The following FBXO22 variants were observed in gnomAD, a reference collection of about 807,000 sequenced individuals.
FBXO22 encodes the protein F-box protein 22.
In FBXO22, 13 loss-of-function variants were observed where a neutral mutation model predicts 37.2. The ratio of observed to expected loss-of-function variants is 0.35; its 90% CI spans 0.23 to 0.56. The LOEUF (loss-of-function observed/expected upper bound fraction) is 0.56, where lower values mean the gene tolerates loss of function less well. Among genes scored for constraint, FBXO22 ranks in the 20% least tolerant of loss-of-function variants. The pLI is 0.87. For synonymous variants in FBXO22, 189 were observed against 189.1 expected, an observed-to-expected ratio of 1.00 and a Z score of 0.00; for missense variants, 446 against 509.9, an observed-to-expected ratio of 0.87 and a Z score of 1.21.
intron 2 of FBXO22, among the ~76,000 whole-genome samples, chr15:75,909,955 C>T (rs982450134): frequency 6.6e-6 from 1 of 152,054 alleles, no homozygotes; most frequent in Non-Finnish European, 1.5e-5. Flanking sequence ...TGTGATGTTC[C>T]CTTCCCTGTG....
At chr15:75,924,617 C>T (rs543764410) in intron 5 of FBXO22, among the ~76,000 whole-genome samples, 2 of 152,146 alleles carry the variant, frequency 1.3e-5, no homozygotes, top group African/African-American at 4.8e-5. Flanking sequence ...AGTGCTCATG[C>T]ACTTCTTCCT....
chr15:75,927,327 C>T (rs754706651), intron 5 of FBXO22, among the ~76,000 whole-genome samples: 7 of 152,012 alleles, frequency 4.6e-5, no homozygotes, highest in Non-Finnish European at 7.4e-5. Flanking sequence ...GGAGTGGTTG[C>T]CTTTAGAATA....
intron 5 of FBXO22, among the ~76,000 whole-genome samples, chr15:75,928,421 C>A (rs138491368): frequency 2.6e-5 from 4 of 152,126 alleles, no homozygotes; most frequent in African/African-American, 9.7e-5. Context: ...AATGAGATCA[C>A]GTCCTTTGCA....
chr15:75,941,956 A>AC lies in FBXO22; in HGVS notation c.*8854_*8855insC, dbSNP rs1299644531. ...TTAAACCACCAAAAAAAAAAAAAAA[A>AC]AAAAATATGGCCTAGCTTTTTTTTT... On this transcript the variant is annotated 3_prime_UTR_variant, in exon 7 of 7. Transcript: ENST00000308275. 8 of 127,700 alleles carry AC rather than the reference A, an allele frequency of 6.3e-5. No homozygotes were observed. In the South Asian group the frequency reaches 8.2e-4, roughly 13 times the overall value. 7.9% of individuals were successfully genotyped at this position (127,700 alleles called of 1,614,324 possible). A position where few individuals can be genotyped will look rare whatever the true frequency, so the allele number is the denominator to read the frequency against.
chr15:75,930,657 G>A (rs139127277), intron 6 of FBXO22: 1 of 985,272 alleles, frequency 1.0e-6, no homozygotes, highest in African/African-American at 1.7e-5. Context: ...TTGCTCTTCT[G>A]TCTTGGGAGC....
chr15:75,917,596 A>G (rs891186821), intron 5 of FBXO22, among the ~76,000 whole-genome samples: 4 of 152,164 alleles, frequency 2.6e-5, no homozygotes, highest in Admixed American at 1.3e-4. Context: ...TTTACTTTTT[A>G]AATTATTTTA....
At chr15:75,915,555 C>T (rs1362124978) in intron 4 of FBXO22, among the ~76,000 whole-genome samples, 4 of 151,808 alleles carry the variant, frequency 2.6e-5, no homozygotes, top group African/African-American at 9.7e-5. Context: ...CACTTGAAGT[C>T]AGGAGTTGGA....
chr15:75,915,718 G>C (rs1304267743), intron 4 of FBXO22, among the ~76,000 whole-genome samples: 1 of 151,900 alleles, frequency 6.6e-6, no homozygotes, highest in Non-Finnish European at 1.5e-5. Context: ...TGGCCGACGT[G>C]GTGAAACCCC....
chr15:75,908,644 G>C (rs559815775), intron 2 of FBXO22, among the ~76,000 whole-genome samples: 1 of 152,306 alleles, frequency 6.6e-6, no homozygotes, highest in South Asian at 2.1e-4. Context: ...AGGTCAGGCA[G>C]GTAGCTGAAG....
chr15:75,923,961 G>A (rs1014746849), intron 5 of FBXO22, among the ~76,000 whole-genome samples: 2 of 152,124 alleles, frequency 1.3e-5, no homozygotes, highest in East Asian at 1.9e-4. Context: ...AGGTGACAGC[G>A]ATGTCATGCG....
In FBXO22 at chr15:75,904,473, G is replaced by C. The variant is rs1161899031; in HGVS notation, c.141-18G>C. On this transcript the variant is annotated intron_variant, in intron 1 of 6. Coordinates refer to ENST00000308275, the MANE Select transcript of FBXO22 (RefSeq NM_147188.3). Reference sequence around the variant, plus strand: ...AATGAACGTCCGTTCGCAATCCTTTGTGCGTTTGCGTCCTCAGCGTGTGCC... The same window carrying C: ...AATGAACGTCCGTTCGCAATCCTTTCTGCGTTTGCGTCCTCAGCGTGTGCC... 6.2e-7 allele frequency: 1 copy of C among 1,613,790 alleles called. No homozygotes were observed. The highest frequency in any genetic ancestry group is 1.7e-5 in the Admixed American group (1 of 59,992).
At chr15:75,905,738 G>C (rs906478244) in intron 2 of FBXO22, 1 of 152,108 alleles carries the variant, frequency 6.6e-6, no homozygotes, top group Admixed American at 6.5e-5. Flanking sequence ...TTGACACTTA[G>C]GAAAATCACA....
chr15:75,912,762 C>T (rs1044814433), intron 2 of FBXO22, among the ~76,000 whole-genome samples: 22 of 152,296 alleles, frequency 1.4e-4, no homozygotes, highest in African/African-American at 5.3e-4. Context: ...GTCTCTATCT[C>T]CTTCAGTTCT....
chr15:75,907,417 A>G (rs1899954190), intron 2 of FBXO22, among the ~76,000 whole-genome samples: 1 of 152,238 alleles, frequency 6.6e-6, no homozygotes, highest in Admixed American at 6.5e-5. Flanking sequence ...TCATTATTAA[A>G]GTTCACATAG....
At chr15:75,914,769 C>T (rs75881136) in intron 4 of FBXO22, among the ~76,000 whole-genome samples, 3,262 of 152,192 alleles carry the variant, frequency 0.021, 140 homozygotes, top group African/African-American at 0.075. Flanking sequence ...TACCTGGATT[C>T]GAATGCCGGC....
chr15:75,911,702 A>G (rs917921287), intron 2 of FBXO22, among the ~76,000 whole-genome samples: 1 of 151,998 alleles, frequency 6.6e-6, no homozygotes, highest in African/African-American at 2.4e-5. Flanking sequence ...CAATCATGTC[A>G]TCTGCAAACA....
chr15:75,905,665 C>T (rs930750146), intron 2 of FBXO22: 32 of 152,346 alleles, frequency 2.1e-4, no homozygotes, highest in African/African-American at 7.7e-4. Flanking sequence ...TGAGTAAGTC[C>T]TGTTTCTTTA....
In FBXO22 at chr15:75,904,569, G is replaced by T; in HGVS notation, c.219G>T (p.Leu73=). The stretch of plus-strand genomic sequence containing the variant: ...GCGTAACCTGGATCTCCGCAGGCCT[G>T]GCGGAGGCCGGCCACCTGGAGGGGC... ...HRSVTWISAG[L]AEAGHLEGHC... The change falls in exon 2 of 7, where the codon CTG becomes CTT. Residue 73 remains leucine, a synonymous_variant. Transcript: ENST00000308275. 6.2e-7 allele frequency: 1 copy of T among 1,613,702 alleles called. No homozygotes were observed.
intron 2 of FBXO22, among the ~76,000 whole-genome samples, chr15:75,911,776 C>T (rs1472024329): frequency 6.6e-6 from 1 of 151,124 alleles, no homozygotes; most frequent in Non-Finnish European, 1.5e-5. Context: ...GCTTGATTGG[C>T]CTGGCCAGAA....
Sources: allele counts gnomAD v4.1 joint callset (sites outside exome capture counted in the v4.1 genomes callset), GRCh38; gene constraint gnomAD v4.1.1; transcripts MANE v1.5; gene names NCBI Gene and HGNC (gene_info 2026-07-23, HGNC 2026-07-21).